Variants in OPCML observed in about 807,000 individuals in gnomAD.
The protein encoded by OPCML is opioid binding protein/cell adhesion molecule like, also known as opioid-binding protein/cell adhesion molecule.
Under a neutral mutation model 37.8 loss-of-function variants are expected in OPCML, and 13 were observed. That is an observed-to-expected ratio of 0.34 (90% confidence interval 0.22 to 0.55). The LOEUF (loss-of-function observed/expected upper bound fraction) is 0.55, where lower values mean the gene tolerates loss of function less well. Among genes scored for constraint, OPCML ranks in the 20% least tolerant of loss-of-function variants. The probability of loss-of-function intolerance (pLI) is 0.91; values close to 1 mark genes in which losing one functional copy is unlikely to be tolerated. For missense variants in OPCML, 341 were observed against 435.6 expected (o/e 0.78, Z 1.93); for synonymous variants, 176 against 168.8 (o/e 1.04, Z -0.33).
intron 1 of OPCML, among the ~76,000 whole-genome samples, chr11:133,047,063 C>T (rs544698298): frequency 1.1e-4 from 17 of 152,166 alleles, no homozygotes; most frequent in South Asian, 6.2e-4. Context: ...AGACCTGAAA[C>T]GGTGATTGAG....
intron 1 of OPCML, among the ~76,000 whole-genome samples, chr11:133,531,501 G>A (rs559289363): frequency 6.6e-6 from 1 of 152,138 alleles, no homozygotes. Context: ...TATTCCTGAC[G>A]TAAGGAACAG....
intron 1 of OPCML, among the ~76,000 whole-genome samples, chr11:133,104,524 GC>G (rs1949129721): frequency 6.6e-6 from 1 of 152,232 alleles, no homozygotes. Flanking sequence ...TTGGCATTCT[GC>G]CTGTCTATGC....
intron 1 of OPCML, among the ~76,000 whole-genome samples, chr11:133,207,927 G>GC (rs1565504616): frequency 2.6e-5 from 4 of 151,996 alleles, no homozygotes; most frequent in African/African-American, 9.7e-5. Context: ...TCGCCGCAGG[G>GC]TCTTCATTCA....
At position 132,436,193 on chromosome 11, in the gene OPCML, C is replaced by T. The variant is rs763541718; in HGVS notation, c.809G>A (p.Arg270His). The change falls in exon 7 of 8, where the codon CGC (arginine) becomes CAC (histidine). Residue 270 changes from arginine (R) to histidine (H), a missense_variant. Coordinates refer to ENST00000524381, the MANE Select transcript of OPCML (RefSeq NM_001012393.5). ...LDGMRIENKG[R>H]MSTLTFFNVS... ...ATTGAAGAAAGTCAGAGTGGACATG[C>T]GGCCTTTGTTTTCAATCCTCATTCC... 28 of 1,614,040 alleles carry T rather than the reference C, an allele frequency of 1.7e-5. No individual in the cohort carries two copies. The highest frequency in any genetic ancestry group is 1.6e-4 in the Middle Eastern group (1 of 6,084).
chr11:132,499,100 T>C (rs955191808), intron 4 of OPCML, among the ~76,000 whole-genome samples: 2 of 152,210 alleles, frequency 1.3e-5, no homozygotes, highest in African/African-American at 2.4e-5. Context: ...AGATCCGGGC[T>C]AGTCAGGTGG....
chr11:132,619,709 G>A (rs529697700), intron 3 of OPCML, among the ~76,000 whole-genome samples: 32 of 150,110 alleles, frequency 2.1e-4, no homozygotes, highest in South Asian at 1.5e-3. Flanking sequence ...AAAATTAGCC[G>A]GGCGTGGTGG....
Position 133,069,568 on chromosome 11 carries a change from GCGACTACA to G in OPCML, c.62-126566_62-126559del, listed in dbSNP as rs1342245342. On this transcript the variant is annotated intron_variant, in intron 1 of 7. Transcript: ENST00000524381. ...GTAAGACACTATCAAACGTGTGTGT[GCGACTACA>G]CAAATGTGAATGCAAATGGGGCTTG... Among the ~76,000 whole-genome samples the G allele has an allele frequency of 2.0e-5, 3 of 152,148 alleles. No individual in the cohort carries two copies. The East Asian group carries it at 5.8e-4, about 29-fold the overall frequency.
intron 1 of OPCML, among the ~76,000 whole-genome samples, chr11:132,966,109 G>C (rs1330758755): frequency 1.3e-5 from 2 of 149,138 alleles, no homozygotes; most frequent in Non-Finnish European, 3.0e-5. Context: ...CCCATTTTTT[G>C]AGGTGGAAAG....
chr11:133,029,295 G>A (rs557210682), intron 1 of OPCML, among the ~76,000 whole-genome samples: 1 of 152,200 alleles, frequency 6.6e-6, no homozygotes, highest in Non-Finnish European at 1.5e-5. Flanking sequence ...TTAAGCCCCT[G>A]TGTAAAGTAG....
At chr11:133,092,770 TTCTTTC>T (rs1378363016) in intron 1 of OPCML, among the ~76,000 whole-genome samples, 5 of 152,082 alleles carry the variant, frequency 3.3e-5, no homozygotes, top group South Asian at 2.1e-4. Flanking sequence ...AATTATCTTG[TTCTTTC>T]TCTGTGAGAA....
intron 2 of OPCML, among the ~76,000 whole-genome samples, chr11:132,691,803 T>C (rs533432392): frequency 1.9e-3 from 291 of 152,358 alleles, no homozygotes; most frequent in Non-Finnish European, 3.1e-3. Flanking sequence ...AAACAGCATT[T>C]GAAACCATGT....
intron 1 of OPCML, among the ~76,000 whole-genome samples, chr11:133,397,022 G>A (rs555568796): frequency 6.6e-5 from 10 of 152,252 alleles, no homozygotes; most frequent in Admixed American, 2.6e-4. Flanking sequence ...CCTCAACAAC[G>A]TGCACATAGT....
At chr11:132,937,444 C>G (rs997138885) in intron 2 of OPCML, among the ~76,000 whole-genome samples, 1 of 151,968 alleles carries the variant, frequency 6.6e-6, no homozygotes, top group Non-Finnish European at 1.5e-5. Flanking sequence ...TGCTTTAAAA[C>G]GTCTTCTCCC....
At chr11:133,451,626 T>C (rs1341666382) in intron 1 of OPCML, among the ~76,000 whole-genome samples, 2 of 151,406 alleles carry the variant, frequency 1.3e-5, no homozygotes, top group African/African-American at 2.5e-5. Context: ...GCAGATCACC[T>C]GAGGTCAGGA....
At chr11:132,625,991 T>C (rs1159071453) in intron 3 of OPCML, among the ~76,000 whole-genome samples, 1 of 152,092 alleles carries the variant, frequency 6.6e-6, no homozygotes, top group Non-Finnish European at 1.5e-5. Context: ...TTTAAATACA[T>C]GTCTCCATTT....
intron 1 of OPCML, among the ~76,000 whole-genome samples, chr11:133,231,348 C>T (rs548119233): frequency 2.0e-5 from 3 of 152,202 alleles, no homozygotes; most frequent in African/African-American, 7.2e-5. Flanking sequence ...AAGATCAAAT[C>T]CCTTCACATG....
intron 1 of OPCML, among the ~76,000 whole-genome samples, chr11:133,376,805 T>C (rs78729500): frequency 6.6e-6 from 1 of 152,112 alleles, no homozygotes; most frequent in Admixed American, 6.5e-5. Flanking sequence ...TTATGCAAAA[T>C]AGCAATAATA....
intron 3 of OPCML, among the ~76,000 whole-genome samples, chr11:132,630,101 A>G (rs1940000540): frequency 6.6e-6 from 1 of 152,232 alleles, no homozygotes; most frequent in East Asian, 1.9e-4. Flanking sequence ...TTACAAAGCA[A>G]TCCACAATAT....
chr11:133,288,833 G>A (rs1942376433), intron 1 of OPCML, among the ~76,000 whole-genome samples: 1 of 152,130 alleles, frequency 6.6e-6, no homozygotes, highest in Non-Finnish European at 1.5e-5. Flanking sequence ...AACTAGACTG[G>A]GGTGTCGGCC....
Sources: allele counts gnomAD v4.1 joint callset (sites outside exome capture counted in the v4.1 genomes callset), GRCh38; gene constraint gnomAD v4.1.1; transcripts MANE v1.5; gene names NCBI Gene and HGNC (gene_info 2026-07-23, HGNC 2026-07-21).